Variants in APC observed in about 807,000 individuals in gnomAD.
APC encodes adenomatous polyposis coli protein.
APC carries 72 observed loss-of-function variants against 247.0 expected under a neutral mutation model. The observed-to-expected ratio is 0.29, with a 90% CI of 0.24 to 0.35. The LOEUF (loss-of-function observed/expected upper bound fraction) is 0.35. Ranked by LOEUF, APC falls within the 10% of genes least tolerant of loss-of-function variation. The probability of loss-of-function intolerance (pLI) is 1.00; values close to 1 mark genes in which losing one functional copy is unlikely to be tolerated. For synonymous variants in APC, 1,254 were observed against 1,162.5 expected (o/e 1.08, Z -1.60); for missense variants, 3,400 against 3,360.7 (o/e 1.01, Z -0.29).
At chr5:112,747,894 G>T (rs1362293568) in intron 1 of APC, among the ~76,000 whole-genome samples, 1 of 152,136 alleles carries the variant, frequency 6.6e-6, no homozygotes, top group Non-Finnish European at 1.5e-5. Flanking sequence ...TTACCTTGGG[G>T]TGTTTGAAAA....
At chr5:112,741,057 G>T (rs1362345138) in intron 1 of APC, among the ~76,000 whole-genome samples, 3 of 152,080 alleles carry the variant, frequency 2.0e-5, no homozygotes, top group African/African-American at 7.2e-5. Flanking sequence ...GAGTATTATG[G>T]TTCAGAAAAG....
rs1554081769 is a variant in APC, at chr5:112,827,265, G to A, written c.1548+18G>A. ...CCAACAAGGTATGTTTTTATAACAT[G>A]TATTTCTTAAGATAGCTCAGGTATG... On this transcript the variant is annotated intron_variant, in intron 12 of 15. Coordinates refer to ENST00000257430, the MANE Select transcript of APC (RefSeq NM_000038.6). 1.9e-6 allele frequency: 3 copies of A among 1,613,360 alleles called. No individual in the cohort carries two copies. The highest frequency in any genetic ancestry group is 1.7e-6 in the Non-Finnish European group (2 of 1,179,538).
At chr5:112,727,854 T>C (rs1389800303) in intron 1 of APC, among the ~76,000 whole-genome samples, 2 of 152,110 alleles carry the variant, frequency 1.3e-5, no homozygotes, top group Non-Finnish European at 2.9e-5. Context: ...ATAGCTGTTT[T>C]AGGTTTTAAG....
intron 3 of APC, 60 bp from the exon 4 acceptor site, chr5:112,767,129 A>G (rs1756418527): frequency 1.5e-6 from 2 of 1,302,448 alleles, no homozygotes; most frequent in Non-Finnish European, 2.2e-6. Flanking sequence ...TATAACATTA[A>G]GAATATTTTA....
At chr5:112,790,590 AAGTGCTGGGATTGC>A (rs1281036285) in intron 6 of APC, among the ~76,000 whole-genome samples, 1 of 152,040 alleles carries the variant, frequency 6.6e-6, no homozygotes, top group African/African-American at 2.4e-5. Context: ...CGGCCTCCTG[AAGTGCTGGGATTGC>A]AGGCGTGAGC....
Position 112,770,545 on chromosome 5 carries a change from C to T in APC, c.422+3155C>T, listed in dbSNP as rs994139051. Among the ~76,000 whole-genome samples the T allele has an allele frequency of 2.6e-5, 4 of 152,078 alleles. No individual in the cohort carries two copies. In the South Asian group the frequency reaches 8.3e-4, roughly 32 times the overall value. ...TACACTCTATAAAAAGTTGCTTTAT[C>T]TGGAGAGAAAGAGGTATCAACATGG... On this transcript the variant is annotated intron_variant, in intron 4 of 15. Transcript: ENST00000257430.
chr5:112,769,306 C>T (rs576857918), intron 4 of APC, among the ~76,000 whole-genome samples: 15 of 152,116 alleles, frequency 9.9e-5, no homozygotes, highest in African/African-American at 3.4e-4. Flanking sequence ...CTGCCTTGGC[C>T]TCCCAAAGTT....
rs112871473 is a variant in APC at position 112,725,758 on chromosome 5, C to CA, written c.165+17883dup. On this transcript the variant is annotated intron_variant, in intron 1 of 13. Transcript: ENST00000507379. The stretch of plus-strand genomic sequence containing the variant: ...CCTGGGCAACAGTGAGACCCTATCT[C>CA]AAAAAAACCCAAAGCACCACATATC... 5.0e-3 allele frequency among the ~76,000 whole-genome samples: 759 copies of CA among 152,116 alleles called. 8 individuals are homozygous for CA. Among genetic ancestry groups the CA allele is most frequent in the African/African-American group, 0.018 (726 of 41,484 alleles).
intron 8 of APC, among the ~76,000 whole-genome samples, chr5:112,807,201 C>T (rs1178706347): frequency 6.6e-6 from 1 of 151,662 alleles, no homozygotes; most frequent in African/African-American, 2.4e-5. Context: ...CATGCCCAGC[C>T]TGTGGAAAGT....
At chr5:112,745,340 A>G (rs1256948613) in intron 1 of APC, among the ~76,000 whole-genome samples, 1 of 152,062 alleles carries the variant, frequency 6.6e-6, no homozygotes, top group East Asian at 1.9e-4. Context: ...CAGATCTTTG[A>G]AGTATCCCCT....
chr5:112,720,838 A>C (rs940459996), intron 1 of APC, among the ~76,000 whole-genome samples: 1 of 152,160 alleles, frequency 6.6e-6, no homozygotes, highest in African/African-American at 2.4e-5. Flanking sequence ...CCTCTATAAT[A>C]AGCTGCTCTG....
At chr5:112,794,257 T>A (rs1011193529) in intron 7 of APC, among the ~76,000 whole-genome samples, 1 of 152,114 alleles carries the variant, frequency 6.6e-6, no homozygotes, top group African/African-American at 2.4e-5. Flanking sequence ...ATTTTTGTAT[T>A]TTTTGTAGAG....
chr5:112,724,955 C>T (rs982791114), intron 1 of APC, among the ~76,000 whole-genome samples: 1 of 152,218 alleles, frequency 6.6e-6, no homozygotes, highest in Non-Finnish European at 1.5e-5. Flanking sequence ...AAGGGTCTTT[C>T]TAACAGCTGG....
At chr5:112,759,356 CTTTTTTTT>C (rs887438895) in intron 2 of APC, among the ~76,000 whole-genome samples, 5 of 122,356 alleles carry the variant, frequency 4.1e-5, no homozygotes, top group Non-Finnish European at 8.5e-5. Flanking sequence ...TTCTTTCTTT[CTTTTTTTT>C]TTTTTTTTTT....
chr5:112,818,895 A>T (rs952649679), intron 9 of APC, 71 bp from the exon 10 acceptor site: 3 of 1,511,368 alleles, frequency 2.0e-6, no homozygotes, highest in East Asian at 2.3e-5. Context: ...TATCCCATTC[A>T]TCACTTAATT....
chr5:112,757,433 C>G (rs926682091), intron 2 of APC, among the ~76,000 whole-genome samples: 4 of 151,972 alleles, frequency 2.6e-5, no homozygotes, highest in East Asian at 1.9e-4. Context: ...TCTCTTTACC[C>G]CCAAAAAAGG....
chr5:112,819,959 T>C (rs768432686), intron 10 of APC, among the ~76,000 whole-genome samples: 1 of 152,116 alleles, frequency 6.6e-6, no homozygotes, highest in Non-Finnish European at 1.5e-5. Flanking sequence ...CTCGGTGCTC[T>C]TCCTACTGTA....
chr5:112,754,520 A>T lies in APC; in HGVS notation c.-18-353A>T, dbSNP rs561528766. ...TTACTAATATAAATAAATTTTTATC[A>T]TAATTATATTTCCTAAGTTTTGCCT... On this transcript the variant is annotated intron_variant, in intron 1 of 15. Coordinates refer to ENST00000257430, the MANE Select transcript of APC (RefSeq NM_000038.6). Among the ~76,000 whole-genome samples the T allele has an allele frequency of 2.6e-5, 4 of 152,272 alleles. No homozygotes were observed. The South Asian group carries it at 8.3e-4, about 32-fold the overall frequency.
Position 112,819,365 on chromosome 5 carries a change from A to G in APC, c.1312+21A>G, listed in dbSNP as rs766608484. On this transcript the variant is annotated intron_variant, in intron 10 of 15. Transcript: ENST00000257430. ...TCCAAGTATGTTCTCTATAGTGTACATCGTAGTGCATGTTTCAAAGCAAAT... is the reference window on the plus strand; with the variant it reads ...TCCAAGTATGTTCTCTATAGTGTACGTCGTAGTGCATGTTTCAAAGCAAAT... 36 of 1,613,860 alleles carry G rather than the reference A, an allele frequency of 2.2e-5. No individual in the cohort carries two copies. In the Admixed American group the frequency reaches 5.2e-4, roughly 23 times the overall value.
Sources: allele counts gnomAD v4.1 joint callset (sites outside exome capture counted in the v4.1 genomes callset), GRCh38; gene constraint gnomAD v4.1.1; transcripts MANE v1.5; gene names NCBI Gene and HGNC (gene_info 2026-07-23, HGNC 2026-07-21).